FAM24B: variants seen among roughly 807,000 people sequenced by gnomAD.
FAM24B encodes family with sequence similarity 24 member B, also known as protein FAM24B.
A neutral mutation model predicts 2.3 loss-of-function variants in FAM24B; 3 were observed. The observed-to-expected ratio is 1.29, with a 90% CI of 0.59 to 3.32. The LOEUF (loss-of-function observed/expected upper bound fraction) is 3.32. Ranked by LOEUF, FAM24B falls within the 30% of genes most tolerant of loss-of-function variation. The probability of loss-of-function intolerance (pLI) is 0.03; values close to 1 mark genes in which losing one functional copy is unlikely to be tolerated. For missense variants in FAM24B, 98 were observed against 117.2 expected (o/e 0.84, Z 0.76); for synonymous variants, 36 against 46.3 (o/e 0.78, Z 0.90).
intron 1 of FAM24B, among the ~76,000 whole-genome samples, chr10:122,859,755 T>C (rs760343226): frequency 1.3e-5 from 2 of 152,154 alleles, no homozygotes; most frequent in Non-Finnish European, 2.9e-5. Context: ...GTCAATGAAC[T>C]ATGAAGCAGC....
chr10:122,856,341 T>C (rs564923838), intron 1 of FAM24B, among the ~76,000 whole-genome samples: 26 of 152,188 alleles, frequency 1.7e-4, no homozygotes, highest in South Asian at 8.3e-4. Flanking sequence ...ATATCATCTA[T>C]GAGGAGCTAA....
chr10:122,849,486 C>T (rs759985371), intron 3 of FAM24B, 47 bp from the exon 4 acceptor site: 1 of 1,532,182 alleles, frequency 6.5e-7, no homozygotes, highest in Non-Finnish European at 8.8e-7. Context: ...TTTTTCTTCT[C>T]AGCCCTTTTG....
At chr10:122,870,559 C>G (rs935787242) in intron 1 of FAM24B, among the ~76,000 whole-genome samples, 2 of 152,140 alleles carry the variant, frequency 1.3e-5, no homozygotes, top group Admixed American at 6.5e-5. Context: ...CAAACTGAAT[C>G]CAGCAGCACA....
intron 1 of FAM24B, among the ~76,000 whole-genome samples, chr10:122,873,796 T>C (rs540748230): frequency 3.3e-5 from 5 of 152,362 alleles, no homozygotes; most frequent in African/African-American, 1.2e-4. Context: ...CTTGTTGAAT[T>C]CTACAAATTC....
At chr10:122,862,079 T>C (rs1453963658) in intron 1 of FAM24B, among the ~76,000 whole-genome samples, 1 of 152,210 alleles carries the variant, frequency 6.6e-6, no homozygotes, top group Non-Finnish European at 1.5e-5. Context: ...CTCAAGGCCT[T>C]AGCCCTTGTC....
In FAM24B at chr10:122,850,559, A is replaced by T; in HGVS notation, c.-35-9T>A. 6.9e-7 allele frequency: 1 copy of T among 1,441,230 alleles called. No homozygotes were observed. The highest frequency in any genetic ancestry group is 9.8e-7 in the Non-Finnish European group (1 of 1,022,006). 89.3% of individuals were successfully genotyped at this position (1,441,230 alleles called of 1,614,324 possible). A position where few individuals can be genotyped will look rare whatever the true frequency, so the allele number is the denominator to read the frequency against. On this transcript the variant is annotated splice_polypyrimidine_tract_variant and intron_variant, in intron 2 of 3. Coordinates refer to ENST00000368898, the MANE Select transcript of FAM24B (RefSeq NM_152644.3). ...AAAAGACTTCGATGTACCTAGGCAG[A>T]TAAGTGCAAGCAAGCACTGAGCCCA...
At chr10:122,877,850 C>T (rs1439798097) in intron 1 of FAM24B, among the ~76,000 whole-genome samples, 1 of 152,218 alleles carries the variant, frequency 6.6e-6, no homozygotes, top group Non-Finnish European at 1.5e-5. Flanking sequence ...CTTTCTACTC[C>T]TGTTATACTG....
At chr10:122,852,001 C>T (rs1355937525) in intron 2 of FAM24B, among the ~76,000 whole-genome samples, 1 of 151,904 alleles carries the variant, frequency 6.6e-6, no homozygotes. Context: ...TTGGGATTGA[C>T]AGAAGAATCA....
chr10:122,870,956 A>G (rs1847887251), intron 1 of FAM24B, among the ~76,000 whole-genome samples: 1 of 152,154 alleles, frequency 6.6e-6, no homozygotes, highest in South Asian at 2.1e-4. Context: ...CAGAAGAAGG[A>G]AATAAAGGGC....
rs747036709 is a variant in FAM24B, at chr10:122,849,306, T to G, written c.226A>C (p.Met76Leu). 6.2e-7 allele frequency: 1 copy of G among 1,607,254 alleles called. No individual in the cohort carries two copies. The highest frequency in any genetic ancestry group is 1.1e-5 in the South Asian group (1 of 89,698). Residue 76 changes from methionine to leucine, a missense_variant, in exon 4 of 4, where the codon ATG (methionine) becomes CTG (leucine). Met to Leu is a conservative substitution (Grantham distance 15, BLOSUM62 2). Coordinates refer to ENST00000368898, the MANE Select transcript of FAM24B (RefSeq NM_152644.3). ...GGCAGGGAATCAAAACTGGCACACATTCTATATCCTTCACAGCACTGCAGG... is the reference window on the plus strand; with the variant it reads ...GGCAGGGAATCAAAACTGGCACACAGTCTATATCCTTCACAGCACTGCAGG... ...PALQCCEGYR[M>L]CASFDSLPPC...
chr10:122,859,823 G>A lies in FAM24B; in HGVS notation c.-177-4037C>T, dbSNP rs187801599. On this transcript the variant is annotated intron_variant, in intron 1 of 3. Transcript: ENST00000368898. Reference sequence around the variant, plus strand: ...AGTTTAAGGCTAGGCTGGCCCTTCCGAGATGCCCCATTGAGGCAGTGTGCT... The same window carrying A: ...AGTTTAAGGCTAGGCTGGCCCTTCCAAGATGCCCCATTGAGGCAGTGTGCT... 2.9e-3 allele frequency among the ~76,000 whole-genome samples: 437 copies of A among 152,242 alleles called. 1 individual carries two copies. Among genetic ancestry groups the A allele is most frequent in the Non-Finnish European group, 2.8e-3 (193 of 68,016 alleles).
intron 1 of FAM24B, among the ~76,000 whole-genome samples, chr10:122,879,140 C>T (rs886640258): frequency 6.6e-6 from 1 of 152,208 alleles, no homozygotes; most frequent in African/African-American, 2.4e-5. Flanking sequence ...TCTCAACCTT[C>T]TGATTTCTGT....
intron 1 of FAM24B, among the ~76,000 whole-genome samples, chr10:122,866,356 CTT>C (rs1847804376): frequency 1.3e-5 from 2 of 151,888 alleles, no homozygotes. Context: ...TTGGTTTTTT[CTT>C]TGTCAATTTC....
At chr10:122,864,311 T>C (rs1847767963) in intron 1 of FAM24B, among the ~76,000 whole-genome samples, 2 of 152,218 alleles carry the variant, frequency 1.3e-5, no homozygotes, top group Admixed American at 1.3e-4. Flanking sequence ...AATCAGGTAT[T>C]ACATATTTCA....
chr10:122,849,237 CT>C lies in FAM24B; in HGVS notation c.*9del. The C allele has an allele frequency of 6.5e-7, 1 of 1,527,736 alleles. No homozygotes were observed. The highest frequency in any genetic ancestry group is 8.8e-7 in the Non-Finnish European group (1 of 1,133,432). 94.6% of individuals were successfully genotyped at this position (1,527,736 alleles called of 1,614,324 possible). A position where few individuals can be genotyped will look rare whatever the true frequency, so the allele number is the denominator to read the frequency against. On this transcript the variant is annotated 3_prime_UTR_variant, in exon 4 of 4. Coordinates refer to ENST00000368898, the MANE Select transcript of FAM24B (RefSeq NM_152644.3). ...TGCTCATGAAGATTTTTGTGCCCAC[CT>C]TTCCTAACTCAGAGGCCCTCATTTA...
intron 1 of FAM24B, among the ~76,000 whole-genome samples, chr10:122,875,576 G>T (rs1414156030): frequency 6.6e-6 from 1 of 152,170 alleles, no homozygotes; most frequent in Non-Finnish European, 1.5e-5. Flanking sequence ...TAGAAGTTAG[G>T]CTGTGTTTAA....
chr10:122,858,442 T>C (rs1847673289), intron 1 of FAM24B, among the ~76,000 whole-genome samples: 2 of 150,640 alleles, frequency 1.3e-5, no homozygotes, highest in Admixed American at 1.3e-4. Flanking sequence ...TTAGGAGATA[T>C]ACCTAATGTA....
chr10:122,852,743 AG>A (rs1847563971), intron 2 of FAM24B, among the ~76,000 whole-genome samples: 1 of 152,150 alleles, frequency 6.6e-6, no homozygotes, highest in African/African-American at 2.4e-5. Flanking sequence ...ACCCTGGTGG[AG>A]GGGTGCTTTG....
rs1421979109 is a variant in FAM24B, at chr10:122,860,472, T to C, written c.-177-4686A>G. On this transcript the variant is annotated intron_variant, in intron 1 of 3. Transcript: ENST00000368898. ...TTTGACAATTATAAAAAAGCTGCTA[T>C]AATACATCCCATACCAGTTTTTGTG... 4.6e-5 allele frequency among the ~76,000 whole-genome samples: 7 copies of C among 152,232 alleles called. No homozygotes were observed. In the South Asian group the frequency reaches 8.3e-4, roughly 18 times the overall value.
Sources: allele counts gnomAD v4.1 joint callset (sites outside exome capture counted in the v4.1 genomes callset), GRCh38; gene constraint gnomAD v4.1.1; transcripts MANE v1.5; gene names NCBI Gene and HGNC (gene_info 2026-07-23, HGNC 2026-07-21).